The following UBR1 variants were observed in gnomAD, a reference collection of about 807,000 sequenced individuals.
UBR1 encodes the protein E3 ubiquitin-protein ligase UBR1.
In UBR1, 102 loss-of-function variants were observed where a neutral mutation model predicts 242.1. The ratio of observed to expected loss-of-function variants is 0.42; its 90% confidence interval spans 0.36 to 0.50. The LOEUF (loss-of-function observed/expected upper bound fraction) is 0.50, where lower values mean the gene tolerates loss of function less well. UBR1 is among the 20% of genes least tolerant of loss of function. The pLI is 0.01. For synonymous variants in UBR1, 675 were observed against 684.8 expected (o/e 0.99, Z 0.22); for missense variants, 1,772 against 2,101.8 (o/e 0.84, Z 3.07).
intron 46 of UBR1, among the ~76,000 whole-genome samples, chr15:42,945,716 T>C (rs1324900575): frequency 6.6e-6 from 1 of 152,236 alleles, no homozygotes; most frequent in Non-Finnish European, 1.5e-5. Flanking sequence ...TATGGCATTA[T>C]GGGACCTCAC....
intron 28 of UBR1, 141 bp from the exon 29 acceptor site, chr15:43,016,010 A>G: frequency 1.4e-6 from 1 of 714,176 alleles, no homozygotes; most frequent in Non-Finnish European, 2.3e-6. Context: ...AATGTTTCAA[A>G]ATTAGCATTA....
chr15:42,944,525 T>A lies in UBR1; in HGVS notation c.*804A>T, dbSNP rs186595172. Reference sequence around the variant, plus strand: ...GTTTTTACATCAGAATTACAAGAGGTTTCTGAGAGTCAAACAGGATGGTGC... The same window carrying A: ...GTTTTTACATCAGAATTACAAGAGGATTCTGAGAGTCAAACAGGATGGTGC... On this transcript the variant is annotated 3_prime_UTR_variant, in exon 47 of 47. Transcript: ENST00000290650. 53 of 152,288 alleles carry A rather than the reference T, an allele frequency of 3.5e-4. No homozygotes were observed. Among genetic ancestry groups the A allele is most frequent in the African/African-American group, 1.3e-3 (52 of 41,538 alleles). 9.4% of individuals were successfully genotyped at this position (152,288 alleles called of 1,614,324 possible).
chr15:43,094,596 C>T (rs1218714189), intron 1 of UBR1, among the ~76,000 whole-genome samples: 1 of 151,954 alleles, frequency 6.6e-6, no homozygotes, highest in Non-Finnish European at 1.5e-5. Flanking sequence ...TTGGCTGCTA[C>T]ATCACATGAC....
At chr15:43,075,834 C>A (rs2033882228) in intron 3 of UBR1, among the ~76,000 whole-genome samples, 1 of 151,988 alleles carries the variant, frequency 6.6e-6, no homozygotes, top group Admixed American at 6.5e-5. Flanking sequence ...AGGCTGGTCT[C>A]AAACTCCCGA....
chr15:43,067,736 T>C (rs1246270512), intron 6 of UBR1, among the ~76,000 whole-genome samples, 162 bp downstream of exon 6: 1 of 152,188 alleles, frequency 6.6e-6, no homozygotes. Context: ...AAAATTATGA[T>C]ATACACACAA....
intron 1 of UBR1, chr15:43,092,203 C>G (rs1479254256): frequency 1.7e-5 from 5 of 293,978 alleles, no homozygotes; most frequent in Non-Finnish European, 1.4e-5. Flanking sequence ...CCCACACCAA[C>G]TTATTTATCC....
intron 19 of UBR1, among the ~76,000 whole-genome samples, chr15:43,035,287 TTC>T (rs1226681285): frequency 2.0e-5 from 3 of 152,248 alleles, no homozygotes; most frequent in African/African-American, 7.2e-5. Flanking sequence ...GTGATTTTTT[TTC>T]TTTGTTAATC....
rs2054417593 is a variant in UBR1, at chr15:43,024,843, C to T, written c.2725G>A (p.Gly909Arg). ...IDTDSNLWTE[G>R]MLQMAFHILA... is the part of the protein sequence containing the mutation. Reference sequence around the variant, plus strand: ...GGTAAACAAACCATTTGGAGCATCCCTTCGGTCCACAAGTTAGAATCTGTG... The same window carrying T: ...GGTAAACAAACCATTTGGAGCATCCTTTCGGTCCACAAGTTAGAATCTGTG... Residue 909 changes from glycine to arginine, a missense_variant, in exon 25 of 47, where the codon GGG (glycine) becomes AGG (arginine). Physicochemically the swap from Gly to Arg is moderately radical, Grantham distance 125. This residue lies in a region of UBR1 where 965 missense variants were observed against 1,079.7 expected (regional missense o/e 0.89). Coordinates refer to ENST00000290650, the MANE Select transcript of UBR1 (RefSeq NM_174916.3). 5.0e-6 allele frequency: 8 copies of T among 1,614,150 alleles called. No individual in the cohort carries two copies. Among genetic ancestry groups the T allele is most frequent in the Non-Finnish European group, 5.9e-6 (7 of 1,180,028 alleles).
intron 13 of UBR1, 31 bp downstream of exon 13, chr15:43,048,361 C>A (rs747540408): frequency 2.6e-6 from 4 of 1,537,580 alleles, no homozygotes; most frequent in Non-Finnish European, 3.6e-6. Flanking sequence ...AAATAAATTT[C>A]TTTTACTGAT....
At chr15:42,967,425 T>G (rs994410442) in intron 40 of UBR1, among the ~76,000 whole-genome samples, 1 of 151,354 alleles carries the variant, frequency 6.6e-6, no homozygotes, top group African/African-American at 2.4e-5. Flanking sequence ...TTTTTTTTTT[T>G]TTGTTTAGAT....
chr15:42,949,939 A>T (rs540976411), intron 46 of UBR1, among the ~76,000 whole-genome samples: 6 of 150,870 alleles, frequency 4.0e-5, no homozygotes, highest in African/African-American at 1.5e-4. Flanking sequence ...CCTGGGTTCA[A>T]GTGATTCTCC....
chr15:42,993,083 G>A (rs2032580416), intron 33 of UBR1, among the ~76,000 whole-genome samples: 1 of 152,144 alleles, frequency 6.6e-6, no homozygotes, highest in Admixed American at 6.5e-5. Context: ...GCTATGAGGG[G>A]CTTCTTTTCC....
intron 40 of UBR1, among the ~76,000 whole-genome samples, chr15:42,967,631 G>A (rs1043420236): frequency 6.6e-6 from 1 of 151,938 alleles, no homozygotes; most frequent in African/African-American, 2.4e-5. Flanking sequence ...TAATCATAAT[G>A]TATTAATATT....
intron 28 of UBR1, 98 bp from the exon 29 acceptor site, chr15:43,015,967 C>A (rs2033018087): frequency 5.8e-6 from 6 of 1,029,598 alleles, no homozygotes; most frequent in South Asian, 2.8e-5. Flanking sequence ...GATTCTGAAA[C>A]CCTGATTACC....
intron 32 of UBR1, among the ~76,000 whole-genome samples, chr15:42,998,789 G>T (rs1317375055): frequency 6.6e-6 from 1 of 152,092 alleles, no homozygotes; most frequent in Non-Finnish European, 1.5e-5. Context: ...GCAGCTAGAA[G>T]AATTTTCTAA....
At chr15:42,970,714 T>A in intron 39 of UBR1, 107 bp from the exon 40 acceptor site, 1 of 1,027,842 alleles carries the variant, frequency 9.7e-7, no homozygotes, top group South Asian at 1.4e-5. Flanking sequence ...TTCATTCAAC[T>A]GAGGTTCTTT....
At chr15:43,017,974 C>T (rs1307741182) in intron 27 of UBR1, among the ~76,000 whole-genome samples, 3 of 151,442 alleles carry the variant, frequency 2.0e-5, no homozygotes, top group East Asian at 1.9e-4. Flanking sequence ...CATTTATCTT[C>T]GGAGACATTT....
intron 4 of UBR1, among the ~76,000 whole-genome samples, chr15:43,071,702 T>G (rs1005271954): frequency 6.6e-6 from 1 of 152,184 alleles, no homozygotes; most frequent in African/African-American, 2.4e-5. Flanking sequence ...GACTAAAATC[T>G]GGGTCTTTTG....
chr15:42,960,118 C>T (rs1416979681), intron 43 of UBR1, among the ~76,000 whole-genome samples: 2 of 152,018 alleles, frequency 1.3e-5, no homozygotes, highest in African/African-American at 4.8e-5. Context: ...TTAGGGGAGG[C>T]TTCATGGAGG....
Sources: gnomAD v4.1 joint callset for allele counts (sites outside exome capture counted in the v4.1 genomes callset) on GRCh38, gnomAD v4.1.1 for gene constraint, gnomAD v4.1.1 regional missense constraint, MANE v1.5 for transcripts, NCBI Gene and HGNC (gene_info 2026-07-23, HGNC 2026-07-21) for gene names.